The following SHANK2 variants were observed in gnomAD, a reference collection of about 807,000 sequenced individuals.
The protein encoded by SHANK2 is SH3 and multiple ankyrin repeat domains 2, also known as SH3 and multiple ankyrin repeat domains protein 2.
A neutral mutation model predicts 133.7 loss-of-function variants in SHANK2; 43 were observed. The ratio of observed to expected loss-of-function variants is 0.32; its 90% CI spans 0.25 to 0.41. SHANK2 has a LOEUF of 0.41. Ranked by LOEUF, SHANK2 falls within the 10% of genes least tolerant of loss-of-function variation. The probability of loss-of-function intolerance (pLI) is 1.00; values close to 1 mark genes in which losing one functional copy is unlikely to be tolerated. For missense variants in SHANK2, 1,994 were observed against 2,235.8 expected (o/e 0.89, Z 2.18); for synonymous variants, 1,017 against 952.8 (o/e 1.07, Z -1.24).
chr11:71,095,738 A>G (rs909581037), intron 6 of SHANK2, among the ~76,000 whole-genome samples: 1 of 152,164 alleles, frequency 6.6e-6, no homozygotes, highest in Non-Finnish European at 1.5e-5. Context: ...TTATCCATAC[A>G]TGGGTACCCT....
At chr11:71,145,944 G>C (rs1268966571) in intron 3 of SHANK2, among the ~76,000 whole-genome samples, 2 of 152,188 alleles carry the variant, frequency 1.3e-5, no homozygotes, top group Non-Finnish European at 2.9e-5. Flanking sequence ...CACTGAGGGA[G>C]ACCCTTCTAG....
intron 1 of SHANK2, among the ~76,000 whole-genome samples, chr11:71,234,283 A>G (rs1591043150): frequency 6.7e-6 from 1 of 149,662 alleles, no homozygotes; most frequent in African/African-American, 2.5e-5. Context: ...AATTGCTTGA[A>G]CCTGGGAGGC....
intron 12 of SHANK2, among the ~76,000 whole-genome samples, chr11:70,819,375 C>T (rs763213746): frequency 2.0e-5 from 3 of 152,254 alleles, no homozygotes; most frequent in Non-Finnish European, 4.4e-5. Flanking sequence ...TCGGTGGCAA[C>T]GGCCACTGCC....
rs370270106 is a variant in SHANK2, at chr11:70,502,300, G to A, written c.2198-14C>T. Reference sequence around the variant, plus strand: ...GAGGCGGGGGAGCTGGAGGGCAGAGGAGAGATGGGTGTGAGACCCCAGCCC... The same window carrying A: ...GAGGCGGGGGAGCTGGAGGGCAGAGAAGAGATGGGTGTGAGACCCCAGCCC... On this transcript the variant is annotated splice_polypyrimidine_tract_variant and intron_variant, in intron 18 of 25. Coordinates refer to ENST00000601538, the MANE Select transcript of SHANK2 (RefSeq NM_012309.5). 9.0e-6 allele frequency: 14 copies of A among 1,550,826 alleles called. No homozygotes were observed. Among genetic ancestry groups the A allele is most frequent in the African/African-American group, 1.4e-5 (1 of 73,430 alleles).
At chr11:71,113,153 G>T (rs998466811) in intron 5 of SHANK2, 140 bp downstream of exon 5, 5 of 783,718 alleles carry the variant, frequency 6.4e-6, no homozygotes, top group Non-Finnish European at 8.4e-6. Context: ...CAGTCTGCCT[G>T]TACATCCCAG....
chr11:71,205,993 C>A (rs1555117927), intron 2 of SHANK2, among the ~76,000 whole-genome samples: 1 of 152,182 alleles, frequency 6.6e-6, no homozygotes, highest in Non-Finnish European at 1.5e-5. Flanking sequence ...CTCATCGGCC[C>A]CATCCCCATC....
intron 6 of SHANK2, among the ~76,000 whole-genome samples, chr11:71,109,508 G>A (rs112709311): frequency 0.011 from 1,633 of 152,344 alleles, 31 homozygotes; most frequent in African/African-American, 0.037. Flanking sequence ...GAGGAATGTG[G>A]TTTCCAGCAG....
At chr11:71,178,945 T>C (rs781884506) in intron 2 of SHANK2, among the ~76,000 whole-genome samples, 3 of 152,210 alleles carry the variant, frequency 2.0e-5, no homozygotes, top group Admixed American at 1.3e-4. Context: ...GTTGCACCAC[T>C]GCACTCCAGC....
chr11:71,248,428 C>T (rs1954991353), intron 1 of SHANK2, among the ~76,000 whole-genome samples: 2 of 152,222 alleles, frequency 1.3e-5, no homozygotes, highest in South Asian at 4.1e-4. Context: ...TGCATTTAAC[C>T]ACCGGGCGGT....
intron 18 of SHANK2, 65 bp downstream of exon 18, chr11:70,502,731 G>GT: frequency 1.4e-6 from 1 of 700,460 alleles, no homozygotes; most frequent in Non-Finnish European, 2.1e-6. Context: ...CAGCTGTCCT[G>GT]CCCGCCCCCA....
intron 10 of SHANK2, among the ~76,000 whole-genome samples, chr11:70,933,579 A>G (rs782489364): frequency 1.3e-5 from 2 of 152,244 alleles, no homozygotes; most frequent in Non-Finnish European, 2.9e-5. Flanking sequence ...AAAACCAGGA[A>G]GATCTGACAA....
intron 11 of SHANK2, among the ~76,000 whole-genome samples, chr11:70,821,802 G>A (rs1368381890): frequency 1.3e-5 from 2 of 152,204 alleles, no homozygotes; most frequent in Non-Finnish European, 2.9e-5. Flanking sequence ...TCCACTGGCT[G>A]GATGATTCAA....
intron 9 of SHANK2, among the ~76,000 whole-genome samples, 187 bp from the exon 10 acceptor site, chr11:71,056,745 G>A (rs1035390319): frequency 1.1e-4 from 17 of 151,908 alleles, no homozygotes; most frequent in African/African-American, 4.1e-4. Flanking sequence ...GCCAACTATG[G>A]CCAAACAATT....
In SHANK2 at chr11:70,857,865, G is replaced by A. The variant is rs919154162; in HGVS notation, c.1175-37183C>T. On this transcript the variant is annotated intron_variant, in intron 11 of 25. Transcript: ENST00000601538. ...CCATGAGTCACACACCATGTTCCAC[G>A]GCTCACACACATCCTCTCAAGATGC... Among the ~76,000 whole-genome samples the A allele has an allele frequency of 3.3e-5, 5 of 152,184 alleles. No individual in the cohort carries two copies. The South Asian group carries it at 6.2e-4, about 19-fold the overall frequency.
intron 10 of SHANK2, among the ~76,000 whole-genome samples, chr11:70,898,039 T>C (rs1405108011): frequency 6.6e-6 from 1 of 151,120 alleles, no homozygotes; most frequent in Non-Finnish European, 1.5e-5. Context: ...CTTGGCTCAC[T>C]GCAATCTCTG....
rs1465880928 is a variant in SHANK2, at chr11:70,487,356, G to A, written c.2937C>T (p.Asn979=). 2 of 1,614,046 alleles carry A rather than the reference G, an allele frequency of 1.2e-6. No individual in the cohort carries two copies. Among genetic ancestry groups the A allele is most frequent in the East Asian group, 4.5e-5 (2 of 44,882 alleles). The part of the protein sequence containing the change: ...RNAGPQANFR[N]KRGQMPENPY... ...GGTTTTCTGGCATCTGGCCTCTCTT[G>A]TTGCGGAAGTTGGCTTGCGGGCCGG... The change falls in exon 25 of 26, where the codon AAC becomes AAT. Residue 979 remains asparagine, a synonymous_variant. Transcript: ENST00000601538. The surrounding 1 kb of genome is among the most constrained non-coding windows in gnomAD (Gnocchi z 5.8).
chr11:70,527,666 C>G, intron 17 of SHANK2, among the ~76,000 whole-genome samples: 1 of 152,206 alleles, frequency 6.6e-6, no homozygotes, highest in East Asian at 1.9e-4. Context: ...GGCCGGGCCC[C>G]CAAATCTCTC....
chr11:70,609,494 C>T (rs61886360), intron 17 of SHANK2, among the ~76,000 whole-genome samples: 37 of 152,126 alleles, frequency 2.4e-4, no homozygotes, highest in African/African-American at 8.4e-4. Context: ...AAAACAAGCA[C>T]GCACAGCCAT....
At chr11:70,911,838 T>C (rs2135726383) in intron 10 of SHANK2, among the ~76,000 whole-genome samples, 1 of 151,774 alleles carries the variant, frequency 6.6e-6, no homozygotes, top group East Asian at 1.9e-4. Context: ...TCCCTGCACT[T>C]TGGGAGGCAG....
Sources: allele counts gnomAD v4.1 joint callset (sites outside exome capture counted in the v4.1 genomes callset), GRCh38; gene constraint gnomAD v4.1.1; non-coding constraint Gnocchi (gnomAD v3.1); transcripts MANE v1.5; gene names NCBI Gene and HGNC (gene_info 2026-07-23, HGNC 2026-07-21).